The following PRKCSH variants were observed in gnomAD, a reference collection of about 807,000 sequenced individuals.
PRKCSH encodes PRKCSH beta subunit of glucosidase II.
A neutral mutation model predicts 79.7 loss-of-function variants in PRKCSH; 42 were observed. The ratio of observed to expected loss-of-function variants is 0.53; its 90% CI spans 0.41 to 0.68. The LOEUF (loss-of-function observed/expected upper bound fraction) is 0.68, where lower values mean the gene tolerates loss of function less well. Among genes scored for constraint, PRKCSH ranks in the 30% least tolerant of loss-of-function variants. PRKCSH has a pLI of 0.00. For missense variants in PRKCSH, 686 were observed against 709.0 expected (o/e 0.97, Z 0.37); for synonymous variants, 325 against 288.2 (o/e 1.13, Z -1.29).
At chr19:11,442,656 C>A in intron 7 of PRKCSH, 141 bp downstream of exon 7, 2 of 1,351,030 alleles carry the variant, frequency 1.5e-6, no homozygotes, top group Non-Finnish European at 2.0e-6. Flanking sequence ...CTTTGAGGTT[C>A]GCTTGGATTG....
rs200636358 is a variant in PRKCSH, at chr19:11,436,361, C to T, written c.80-28C>T. The T allele has an allele frequency of 1.1e-5, 17 of 1,607,526 alleles. No individual in the cohort carries two copies. The East Asian group carries it at 2.5e-4, about 23-fold the overall frequency. On this transcript the variant is annotated intron_variant, in intron 2 of 17. Transcript: ENST00000677123. ...TTTGGTGGAGAAGGCGCTTACCTGC[C>T]CTGGGCTGAGCTTCCTGTACCCCGC...
At chr19:11,440,822 T>G (rs187502265) in intron 5 of PRKCSH, among the ~76,000 whole-genome samples, 2 of 151,586 alleles carry the variant, frequency 1.3e-5, no homozygotes, top group East Asian at 3.9e-4. Context: ...TCTTCTGTGG[T>G]TTTTTTATTT....
Position 11,448,970 on chromosome 19 carries a change from G to A in PRKCSH, c.1343G>A (p.Gly448Asp), listed in dbSNP as rs201614230. The A allele has an allele frequency of 2.5e-5, 40 of 1,614,028 alleles. No homozygotes were observed. Among genetic ancestry groups the A allele is most frequent in the Non-Finnish European group, 3.2e-5 (38 of 1,180,036 alleles). ...GTCTCGCAGAAACCCAAACTCGGGG[G>A]CTCTCCCACCAGCCTTGGGTGAGTG... ...KLVSQKPKLGGSPTSLGTWGS... is the reference protein window; with the variant it reads ...KLVSQKPKLGDSPTSLGTWGS... The change falls in exon 15 of 18, where the codon GGC (glycine) becomes GAC (aspartate). Residue 448 changes from glycine (G) to aspartate (D), a missense_variant. Physicochemically the swap from Gly to Asp is moderately conservative, Grantham distance 94 (BLOSUM62 -1). Around this residue, in one of 2 missense-constraint regions of PRKCSH, gnomAD observed 137 missense variants for 188.8 expected, o/e 0.73. Transcript: ENST00000677123. The surrounding 1 kb of genome is among the most constrained non-coding windows in gnomAD (Gnocchi z 4.4).
At chr19:11,438,631 T>C (rs540227396) in intron 5 of PRKCSH, among the ~76,000 whole-genome samples, 15 of 151,710 alleles carry the variant, frequency 9.9e-5, no homozygotes, top group African/African-American at 3.6e-4. Flanking sequence ...GGCGGGCGCC[T>C]GTAGTCCCAG....
rs370062956 is a variant in PRKCSH, at chr19:11,447,434, G to A, written c.850-5G>A. The A allele has an allele frequency of 3.3e-5, 54 of 1,613,706 alleles. No homozygotes were observed. The highest frequency in any genetic ancestry group is 2.4e-4 in the African/African-American group (18 of 75,032). On this transcript the variant is annotated splice_polypyrimidine_tract_variant and splice_region_variant and intron_variant, in intron 10 of 17. Transcript: ENST00000677123. This position sits in a 1 kb window ranked among gnomAD's most constrained non-coding sequence, Gnocchi z 5.6. ...ACAACACCGACCGCACTGCTCACCC[G>A]CCAGGCACTGCCCACCGACCTTCCA...
chr19:11,447,839 C>T lies in PRKCSH; in HGVS notation c.1126+50C>T. 1 of 1,501,908 alleles carries T rather than the reference C, an allele frequency of 6.7e-7. No individual in the cohort carries two copies. The highest frequency in any genetic ancestry group is 1.4e-5 in the African/African-American group (1 of 72,090). The allele number at this position is 1,501,908 out of a possible 1,614,324, so 93.0% of individuals were successfully genotyped here. On this transcript the variant is annotated intron_variant, in intron 12 of 17. Transcript: ENST00000677123. This position sits in a 1 kb window ranked among gnomAD's most constrained non-coding sequence, Gnocchi z 5.6. ...CCTCGGGTGGGCCCAGCGTTTCCTG[C>T]CGTGGTGGCACAGGTCGAGGGAAGA...
Position 11,445,320 on chromosome 19 carries a change from C to T in PRKCSH, c.599-69C>T, listed in dbSNP as rs776097259. ...TAGTAGGCGCTTGGTGGCAAACGAC[C>T]CTGTGGGGTGCGGGGGCTGATGGGA... On this transcript the variant is annotated intron_variant, in intron 7 of 17. Transcript: ENST00000677123. 1.2e-3 allele frequency: 1,863 copies of T among 1,510,728 alleles called. 3 individuals carry two copies. Among genetic ancestry groups the T allele is most frequent in the Middle Eastern group, 2.2e-3 (11 of 5,050 alleles). The allele number at this position is 1,510,728 out of a possible 1,614,324, so 93.6% of individuals were successfully genotyped here.
Position 11,449,749 on chromosome 19 carries a change from G to A in PRKCSH, c.*16+321G>A, listed in dbSNP as rs1970506342. ...GGGGTTTCACCATGTTGGCCTGGATGGTCTCGAACTCCTGACCTCAGATGA... is the reference window on the plus strand; with the variant it reads ...GGGGTTTCACCATGTTGGCCTGGATAGTCTCGAACTCCTGACCTCAGATGA... On this transcript the variant is annotated intron_variant, in intron 17 of 17. Coordinates refer to ENST00000677123, the MANE Select transcript of PRKCSH (RefSeq NM_001289104.2). The surrounding 1 kb of genome is among the most constrained non-coding windows in gnomAD (Gnocchi z 6.4). 2 of 368,388 alleles carry A rather than the reference G, an allele frequency of 5.4e-6. No homozygotes were observed. Among genetic ancestry groups the A allele is most frequent in the Admixed American group, 7.7e-5 (2 of 25,998 alleles). The allele number at this position is 368,388 out of a possible 1,614,324, so 22.8% of individuals were successfully genotyped here. A position where few individuals can be genotyped will look rare whatever the true frequency, so the allele number is the denominator to read the frequency against.
In PRKCSH at chr19:11,448,875, C is replaced by T; in HGVS notation, c.1287-39C>T. ...GGTGGCTGTGGGAGGAGGCTGGAAT[C>T]CCTGCGTTCCCCAACCCATATGTCC... On this transcript the variant is annotated intron_variant, in intron 14 of 17. Transcript: ENST00000677123. This position sits in a 1 kb window ranked among gnomAD's most constrained non-coding sequence, Gnocchi z 4.4. The T allele has an allele frequency of 6.2e-7, 1 of 1,611,362 alleles. No individual in the cohort carries two copies. Among genetic ancestry groups the T allele is most frequent in the Non-Finnish European group, 8.5e-7 (1 of 1,177,632 alleles).
chr19:11,436,617 A>G, intron 3 of PRKCSH, 112 bp downstream of exon 3: 1 of 926,142 alleles, frequency 1.1e-6, no homozygotes, highest in Non-Finnish European at 1.7e-6. Flanking sequence ...GAGTGGGCAG[A>G]AACAAGCTCA....
At position 11,449,270 on chromosome 19, in the gene PRKCSH, G is replaced by T; in HGVS notation, c.1466G>T (p.Arg489Leu). The change falls in exon 17 of 18, where the codon CGC becomes CTC. Residue 489 changes from arginine (R) to leucine (L), a missense_variant. This residue lies in a region of PRKCSH where 137 missense variants were observed against 188.8 expected (regional missense o/e 0.73). Transcript: ENST00000677123. The surrounding 1 kb of genome is among the most constrained non-coding windows in gnomAD (Gnocchi z 6.4). The part of the protein sequence containing the change: ...WQGPNRSTTV[R>L]LLCGKETMVT... ...CACCCGTCTGCCCATCCCCAGGTGC[G>T]CCTCCTGTGCGGGAAAGAGACCATG... The T allele has an allele frequency of 6.2e-7, 1 of 1,613,698 alleles. No individual in the cohort carries two copies. The highest frequency in any genetic ancestry group is 8.5e-7 in the Non-Finnish European group (1 of 1,179,944).
chr19:11,447,058 C>T lies in PRKCSH; in HGVS notation c.763-16C>T. 1 of 1,612,980 alleles carries T rather than the reference C, an allele frequency of 6.2e-7. No individual in the cohort carries two copies. Among genetic ancestry groups the T allele is most frequent in the South Asian group, 1.1e-5 (1 of 91,066 alleles). On this transcript the variant is annotated splice_polypyrimidine_tract_variant and intron_variant, in intron 9 of 17. Transcript: ENST00000677123. The surrounding 1 kb of genome is among the most constrained non-coding windows in gnomAD (Gnocchi z 5.6). ...CGTGGTGGCCTAGATCTTGACACCA[C>T]CCCCAACACACACAGGCCCTCCTCA... is the stretch of plus-strand genomic sequence containing the variant.
chr19:11,440,121 A>G (rs1208172799), intron 5 of PRKCSH, among the ~76,000 whole-genome samples: 3 of 151,992 alleles, frequency 2.0e-5, no homozygotes, highest in Non-Finnish European at 4.4e-5. Context: ...CATCTTTTAA[A>G]TAGAAGGTGG....
At chr19:11,445,719 GT>G in intron 8 of PRKCSH, 1 of 582,944 alleles carries the variant, frequency 1.7e-6, no homozygotes, top group South Asian at 1.9e-5. Context: ...GCCTCAGGGA[GT>G]GTGTCTAGGC....
intron 7 of PRKCSH, among the ~76,000 whole-genome samples, chr19:11,443,116 T>C (rs947241769): frequency 6.6e-6 from 1 of 152,188 alleles, no homozygotes; most frequent in African/African-American, 2.4e-5. Context: ...TCACTAATTG[T>C]AAGAGCTTTT....
At position 11,436,207 on chromosome 19, in the gene PRKCSH, C is replaced by A. The variant is rs755697318; in HGVS notation, c.79+11C>A. On this transcript the variant is annotated intron_variant, in intron 2 of 17. Transcript: ENST00000677123. ...GCGTCTCCCTCACCAGTGAGTCCTC[C>A]TGTTCACCCTCCCGCCAGGCTGGAG... 2 of 1,567,534 alleles carry A rather than the reference C, an allele frequency of 1.3e-6. No homozygotes were observed. Among genetic ancestry groups the A allele is most frequent in the Admixed American group, 1.8e-5 (1 of 54,582 alleles).
intron 5 of PRKCSH, among the ~76,000 whole-genome samples, chr19:11,440,609 C>T (rs977140899): frequency 2.6e-5 from 4 of 151,964 alleles, no homozygotes; most frequent in East Asian, 1.9e-4. Context: ...GGCGCCACCA[C>T]GCCCAGCTAA....
chr19:11,449,483 C>A lies in PRKCSH; in HGVS notation c.*16+55C>A. The A allele has an allele frequency of 6.2e-7, 1 of 1,607,698 alleles. No homozygotes were observed. The highest frequency in any genetic ancestry group is 8.5e-7 in the Non-Finnish European group (1 of 1,176,576). The stretch of plus-strand genomic sequence containing the variant: ...TGCCCCAGCAAGGGGAGGCGGCGGG[C>A]CCTGAGGAAGATGGACCCACATGGC... On this transcript the variant is annotated intron_variant, in intron 17 of 17. Coordinates refer to ENST00000677123, the MANE Select transcript of PRKCSH (RefSeq NM_001289104.2). This position sits in a 1 kb window ranked among gnomAD's most constrained non-coding sequence, Gnocchi z 6.4.
chr19:11,438,539 G>C (rs1488337859), intron 5 of PRKCSH, among the ~76,000 whole-genome samples: 1 of 152,062 alleles, frequency 6.6e-6, no homozygotes, highest in South Asian at 2.1e-4. Flanking sequence ...GGCGGATCAC[G>C]AGGTCAGGAG....
Sources: gnomAD v4.1 joint callset for allele counts (sites outside exome capture counted in the v4.1 genomes callset) on GRCh38, gnomAD v4.1.1 for gene constraint, gnomAD v4.1.1 regional missense constraint, Gnocchi (gnomAD v3.1) non-coding constraint, MANE v1.5 for transcripts, NCBI Gene and HGNC (gene_info 2026-07-23, HGNC 2026-07-21) for gene names.